The following USP34 variants were observed in gnomAD, a reference collection of about 807,000 sequenced individuals.
The protein encoded by USP34 is ubiquitin carboxyl-terminal hydrolase 34.
USP34 carries 70 observed loss-of-function variants against 460.3 expected under a neutral mutation model. The observed-to-expected ratio is 0.15, with a 90% CI of 0.13 to 0.19. USP34 has a LOEUF of 0.19. Ranked by LOEUF, USP34 falls within the 10% of genes least tolerant of loss-of-function variation. The pLI, the probability that USP34 is intolerant of heterozygous loss-of-function variation, is 1.00. For missense variants in USP34, 3,985 were observed against 4,236.2 expected, an observed-to-expected ratio of 0.94 and a Z score of 1.65; for synonymous variants, 1,647 against 1,405.3, an observed-to-expected ratio of 1.17 and a Z score of -3.85.
intron 15 of USP34, among the ~76,000 whole-genome samples, chr2:61,345,171 G>A (rs1260429113): frequency 6.6e-6 from 1 of 151,992 alleles, no homozygotes; most frequent in East Asian, 1.9e-4. Flanking sequence ...CTACTCGGGA[G>A]GCTGAGGCAG....
intron 43 of USP34, among the ~76,000 whole-genome samples, chr2:61,262,553 A>G (rs1432942348): frequency 6.6e-6 from 1 of 152,110 alleles, no homozygotes; most frequent in Non-Finnish European, 1.5e-5. Flanking sequence ...TCTATGCTGT[A>G]TATGTACCAC....
At chr2:61,297,604 G>A (rs1003285282) in intron 29 of USP34, among the ~76,000 whole-genome samples, 3 of 152,162 alleles carry the variant, frequency 2.0e-5, no homozygotes, top group African/African-American at 7.2e-5. Context: ...TTTCCACGGA[G>A]TATAAATTTA....
At chr2:61,195,452 T>C (rs1000449564) in intron 75 of USP34, among the ~76,000 whole-genome samples, 1 of 150,900 alleles carries the variant, frequency 6.6e-6, no homozygotes, top group African/African-American at 2.4e-5. Context: ...GGCAGGCAGA[T>C]CATGAGGTCA....
rs758711888 is a variant in USP34, at chr2:61,470,684, C to G, written c.9G>C (p.Glu3Asp). 1 of 1,593,682 alleles carries G rather than the reference C, an allele frequency of 6.3e-7. No individual in the cohort carries two copies. Residue 3 changes from glutamate to aspartate, a missense_variant, in exon 1 of 80, where the codon GAG (glutamate) becomes GAC (aspartate). Around this residue, in one of 14 missense-constraint regions of USP34, gnomAD observed 331 missense variants for 293.7 expected, o/e 1.13. Coordinates refer to ENST00000398571, the MANE Select transcript of USP34 (RefSeq NM_014709.4). ...ACACCTCCACCAGGTCTGCGCAGTTCTCGCACATCGTTCGGCCGCCGCCCC... is the reference window on the plus strand; with the variant it reads ...ACACCTCCACCAGGTCTGCGCAGTTGTCGCACATCGTTCGGCCGCCGCCCC... MC[E>D]NCADLVEVLN... is the part of the protein sequence containing the mutation.
chr2:61,248,495 G>T lies in USP34; in HGVS notation c.6394+16C>A. 1 of 1,539,036 alleles carries T rather than the reference G, an allele frequency of 6.5e-7. No individual in the cohort carries two copies. The highest frequency in any genetic ancestry group is 8.8e-7 in the Non-Finnish European group (1 of 1,137,512). ...TGACAATAATCACAGACAAGAGAAA[G>T]AAATGAAAAAATCACCTTCTTTCCT... On this transcript the variant is annotated intron_variant, in intron 49 of 79. Coordinates refer to ENST00000398571, the MANE Select transcript of USP34 (RefSeq NM_014709.4).
intron 21 of USP34, among the ~76,000 whole-genome samples, chr2:61,321,534 T>C (rs1305164487): frequency 6.6e-6 from 1 of 152,150 alleles, no homozygotes; most frequent in Admixed American, 6.6e-5. Context: ...TTTGTAAAAT[T>C]TAAAATCACA....
chr2:61,462,416 G>T (rs1321628969), intron 1 of USP34, among the ~76,000 whole-genome samples: 1 of 151,512 alleles, frequency 6.6e-6, no homozygotes, highest in South Asian at 2.1e-4. Flanking sequence ...GGGCATGGTG[G>T]TACGCACCTG....
intron 41 of USP34, among the ~76,000 whole-genome samples, chr2:61,274,012 A>C (rs1266714886): frequency 1.3e-5 from 2 of 152,050 alleles, no homozygotes; most frequent in East Asian, 1.9e-4. Flanking sequence ...ATGAAAAAAC[A>C]GGGAGTTTTT....
At chr2:61,400,665 C>T (rs1693689882) in intron 3 of USP34, among the ~76,000 whole-genome samples, 1 of 151,934 alleles carries the variant, frequency 6.6e-6, no homozygotes, top group African/African-American at 2.4e-5. Flanking sequence ...GCCCAGGAAA[C>T]AGAGCAAGAC....
intron 48 of USP34, among the ~76,000 whole-genome samples, chr2:61,251,011 G>A (rs370482215): frequency 1.6e-4 from 24 of 152,204 alleles, no homozygotes; most frequent in East Asian, 9.7e-4. Flanking sequence ...GGTGGCGGGC[G>A]CCTGTAGTCC....
chr2:61,345,814 T>A (rs948985308), intron 15 of USP34, among the ~76,000 whole-genome samples: 8 of 152,144 alleles, frequency 5.3e-5, no homozygotes, highest in African/African-American at 9.7e-5. Context: ...TTTTTAATAT[T>A]TTTGTAGAGA....
At chr2:61,445,899 G>A (rs13003943) in intron 1 of USP34, among the ~76,000 whole-genome samples, 7,997 of 151,524 alleles carry the variant, frequency 0.053, 323 homozygotes, top group Non-Finnish European at 0.081. Context: ...AGTGAGCTGC[G>A]ATCGTGCCAC....
chr2:61,281,909 A>G (rs374356974), intron 37 of USP34, among the ~76,000 whole-genome samples: 1 of 152,234 alleles, frequency 6.6e-6, no homozygotes, highest in African/African-American at 2.4e-5. Context: ...ATAGATTGTA[A>G]GCAAACTGTC....
intron 41 of USP34, among the ~76,000 whole-genome samples, chr2:61,275,224 A>G (rs1323074247): frequency 6.6e-6 from 1 of 152,148 alleles, no homozygotes; most frequent in Non-Finnish European, 1.5e-5. Context: ...GGTTGCAGTG[A>G]GCTGAGATCA....
At chr2:61,199,689 G>C (rs557674385) in intron 75 of USP34, among the ~76,000 whole-genome samples, 1 of 152,310 alleles carries the variant, frequency 6.6e-6, no homozygotes, top group East Asian at 1.9e-4. Flanking sequence ...AATTTGGGAT[G>C]TCATCTTTAT....
intron 10 of USP34, among the ~76,000 whole-genome samples, chr2:61,356,378 T>C (rs1165976437): frequency 6.6e-6 from 1 of 152,042 alleles, no homozygotes; most frequent in Non-Finnish European, 1.5e-5. Flanking sequence ...TAGTCCCAGC[T>C]ACTTCAGAGG....
intron 41 of USP34, among the ~76,000 whole-genome samples, chr2:61,268,434 T>C (rs1321854605): frequency 8.5e-5 from 8 of 94,372 alleles, no homozygotes; most frequent in African/African-American, 2.9e-4. Context: ...GCAAGAGCTG[T>C]TGTTAAAAAA....
chr2:61,265,189 T>C, intron 43 of USP34: 1 of 546,972 alleles, frequency 1.8e-6, no homozygotes, highest in Non-Finnish European at 3.1e-6. Context: ...TGTGTTTTCC[T>C]TTGAGAACTA....
At chr2:61,206,665 G>T in intron 71 of USP34, 95 bp downstream of exon 71, 1 of 1,470,902 alleles carries the variant, frequency 6.8e-7, no homozygotes, top group Admixed American at 2.2e-5. Context: ...GCATAAACTA[G>T]GATAAAAACA....
Sources: gnomAD v4.1 joint callset for allele counts (sites outside exome capture counted in the v4.1 genomes callset) on GRCh38, gnomAD v4.1.1 for gene constraint, gnomAD v4.1.1 regional missense constraint, MANE v1.5 for transcripts, NCBI Gene and HGNC (gene_info 2026-07-23, HGNC 2026-07-21) for gene names.